FRMD5: variants seen among roughly 807,000 people sequenced by gnomAD.
The protein encoded by FRMD5 is FERM domain containing 5.
In FRMD5, 20 loss-of-function variants were observed where a neutral mutation model predicts 69.0. The ratio of observed to expected loss-of-function variants is 0.29; its 90% CI spans 0.20 to 0.42. The LOEUF is 0.42. Ranked by LOEUF, FRMD5 falls within the 10% of genes least tolerant of loss-of-function variation. FRMD5 has a pLI of 1.00. For missense variants in FRMD5, 595 were observed against 708.6 expected, an observed-to-expected ratio of 0.84 and a Z score of 1.82; for synonymous variants, 271 against 260.1, an observed-to-expected ratio of 1.04 and a Z score of -0.40.
chr15:44,140,953 G>C (rs2077265544), intron 1 of FRMD5, among the ~76,000 whole-genome samples: 2 of 150,108 alleles, frequency 1.3e-5, no homozygotes, highest in South Asian at 4.2e-4. Context: ...AGGGTTGCTG[G>C]ATATAAGATC....
intron 1 of FRMD5, among the ~76,000 whole-genome samples, chr15:44,122,493 C>A (rs1031338613): frequency 6.6e-6 from 1 of 152,028 alleles, no homozygotes; most frequent in Non-Finnish European, 1.5e-5. Context: ...GCAGGAAGAT[C>A]GCTTGAGCCT....
chr15:44,020,775 T>G (rs1471396819), intron 1 of FRMD5, among the ~76,000 whole-genome samples: 1 of 152,120 alleles, frequency 6.6e-6, no homozygotes, highest in Non-Finnish European at 1.5e-5. Context: ...AAACAATAAA[T>G]CAAGCCCTGA....
intron 1 of FRMD5, among the ~76,000 whole-genome samples, chr15:44,077,722 A>G (rs556941589): frequency 2.0e-4 from 30 of 152,106 alleles, no homozygotes; most frequent in Non-Finnish European, 3.4e-4. Flanking sequence ...ACTAAGCCAG[A>G]AAAGTTCCTT....
chr15:44,008,467 T>C (rs1366194044), intron 1 of FRMD5, among the ~76,000 whole-genome samples: 1 of 151,742 alleles, frequency 6.6e-6, no homozygotes, highest in Non-Finnish European at 1.5e-5. Flanking sequence ...GGTTTCCTCA[T>C]GATGGCCAGG....
At chr15:44,020,962 T>C (rs1347672483) in intron 1 of FRMD5, among the ~76,000 whole-genome samples, 5 of 152,200 alleles carry the variant, frequency 3.3e-5, no homozygotes, top group Non-Finnish European at 7.3e-5. Flanking sequence ...TAGATAACCA[T>C]AAAATGATTA....
chr15:43,973,776 T>A (rs140645445), intron 1 of FRMD5, among the ~76,000 whole-genome samples: 2 of 151,852 alleles, frequency 1.3e-5, no homozygotes, highest in African/African-American at 4.8e-5. Context: ...TTTTCCTTAA[T>A]ACAACCCAAA....
At chr15:44,074,416 T>C (rs1041835293) in intron 1 of FRMD5, among the ~76,000 whole-genome samples, 2 of 152,132 alleles carry the variant, frequency 1.3e-5, no homozygotes, top group African/African-American at 4.8e-5. Flanking sequence ...ATAATAAATA[T>C]TTCAAAATAT....
At chr15:44,076,323 C>T (rs548826005) in intron 1 of FRMD5, among the ~76,000 whole-genome samples, 31 of 151,036 alleles carry the variant, frequency 2.1e-4, no homozygotes, top group African/African-American at 6.1e-4. Context: ...CACATGCACA[C>T]GTATGTTTAT....
intron 1 of FRMD5, among the ~76,000 whole-genome samples, chr15:44,045,772 C>G (rs1566917899): frequency 6.6e-6 from 1 of 152,124 alleles, no homozygotes; most frequent in Non-Finnish European, 1.5e-5. Context: ...CACCCATTCT[C>G]TTTGATAAGT....
chr15:44,094,844 T>G (rs1410245416), intron 1 of FRMD5, among the ~76,000 whole-genome samples: 2 of 152,036 alleles, frequency 1.3e-5, no homozygotes, highest in Non-Finnish European at 2.9e-5. Flanking sequence ...ATCCACAAAT[T>G]TCAATTGTGC....
At chr15:43,894,672 A>AAGGCAGGGGAGGG (rs1474359300) in intron 7 of FRMD5, among the ~76,000 whole-genome samples, 3 of 149,234 alleles carry the variant, frequency 2.0e-5, no homozygotes, top group South Asian at 2.1e-4. Context: ...GTTGGGAGGG[A>AAGGCAGGGGAGGG]AGGCAGGGGA....
intron 13 of FRMD5, 74 bp from the exon 14 acceptor site, chr15:43,874,536 T>C (rs944975509): frequency 2.7e-6 from 3 of 1,106,870 alleles, no homozygotes; most frequent in Non-Finnish European, 4.1e-6. Flanking sequence ...CCCATTGTGT[T>C]TTATTGGGTA....
At chr15:44,043,001 G>C (rs2140321142) in intron 1 of FRMD5, among the ~76,000 whole-genome samples, 1 of 152,320 alleles carries the variant, frequency 6.6e-6, no homozygotes, top group African/African-American at 2.4e-5. Flanking sequence ...CCTATTTGCA[G>C]ATGACATGAT....
intron 1 of FRMD5, among the ~76,000 whole-genome samples, chr15:44,064,480 T>C (rs982509289): frequency 1.3e-5 from 2 of 152,126 alleles, no homozygotes; most frequent in African/African-American, 4.8e-5. Flanking sequence ...ATCCAGGTAC[T>C]CTGGAGGCTG....
intron 5 of FRMD5, 81 bp from the exon 6 acceptor site, chr15:43,906,032 G>A (rs2089163998): frequency 2.6e-6 from 4 of 1,547,336 alleles, no homozygotes; most frequent in Non-Finnish European, 3.6e-6. Flanking sequence ...TTAGCACACA[G>A]AGCAAAAGCC....
At chr15:43,910,507 G>C (rs1007343183) in intron 4 of FRMD5, among the ~76,000 whole-genome samples, 1 of 140,106 alleles carries the variant, frequency 7.1e-6, no homozygotes, top group Admixed American at 7.5e-5. Context: ...GGAATAAAGT[G>C]TAAGAAGAGT....
chr15:44,020,238 C>T (rs979617319), intron 1 of FRMD5, among the ~76,000 whole-genome samples: 1 of 151,998 alleles, frequency 6.6e-6, no homozygotes, highest in South Asian at 2.1e-4. Flanking sequence ...CTTAATAAGA[C>T]CACTTTACAT....
In FRMD5 at chr15:44,083,213, C is replaced by T. The variant is rs568139398; in HGVS notation, c.102+111740G>A. 3.3e-5 allele frequency among the ~76,000 whole-genome samples: 5 copies of T among 152,104 alleles called. No homozygotes were observed. In the South Asian group the frequency reaches 1.0e-3, roughly 32 times the overall value. On this transcript the variant is annotated intron_variant, in intron 1 of 13. Transcript: ENST00000417257. The stretch of plus-strand genomic sequence containing the variant: ...GAACTGGAAATATGCAAATATCCTA[C>T]TCTCTTTGGTATGCTAGGAAGAAGA...
chr15:44,084,707 T>C (rs1894125761), intron 1 of FRMD5, among the ~76,000 whole-genome samples: 1 of 151,048 alleles, frequency 6.6e-6, no homozygotes, highest in Non-Finnish European at 1.5e-5. Context: ...TCCATTGAAT[T>C]GTACACTTTA....
Sources: allele counts gnomAD v4.1 joint callset (sites outside exome capture counted in the v4.1 genomes callset), GRCh38; gene constraint gnomAD v4.1.1; transcripts MANE v1.5; gene names NCBI Gene and HGNC (gene_info 2026-07-23, HGNC 2026-07-21).